Variants in PCNX1 observed in about 807,000 individuals in gnomAD.
The protein encoded by PCNX1 is pecanex 1.
PCNX1 carries 78 observed loss-of-function variants against 242.2 expected under a neutral mutation model. That is an observed-to-expected ratio of 0.32 (90% CI 0.27 to 0.39). The LOEUF is 0.39. PCNX1 is among the 10% of genes least tolerant of loss of function. PCNX1 has a pLI of 1.00. For missense variants in PCNX1, 2,581 were observed against 2,856.5 expected, an observed-to-expected ratio of 0.90 and a Z score of 2.20; for synonymous variants, 1,024 against 1,032.9, an observed-to-expected ratio of 0.99 and a Z score of 0.17.
At chr14:70,954,521 C>G (rs1215605800) in intron 2 of PCNX1, among the ~76,000 whole-genome samples, 1 of 152,048 alleles carries the variant, frequency 6.6e-6, no homozygotes, top group Non-Finnish European at 1.5e-5. Flanking sequence ...TTGAATCTCT[C>G]CATTTATTTA....
intron 24 of PCNX1, among the ~76,000 whole-genome samples, chr14:71,054,052 G>A (rs570426710): frequency 1.3e-5 from 2 of 152,298 alleles, no homozygotes; most frequent in South Asian, 4.1e-4. Flanking sequence ...TCAAAGTGCT[G>A]GGATTACAGG....
chr14:71,010,013 A>G (rs1031241391), intron 9 of PCNX1: 1 of 254,496 alleles, frequency 3.9e-6, no homozygotes, highest in African/African-American at 2.2e-5. Context: ...AGTATACAGT[A>G]TGTTGTTAAT....
intron 25 of PCNX1, among the ~76,000 whole-genome samples, 170 bp from the exon 26 acceptor site, chr14:71,057,339 T>G (rs935774572): frequency 6.6e-6 from 1 of 152,204 alleles, no homozygotes; most frequent in Non-Finnish European, 1.5e-5. Context: ...TTCAGAAACC[T>G]TTTCCATTTT....
At chr14:70,941,671 C>T (rs933635727) in intron 1 of PCNX1, among the ~76,000 whole-genome samples, 41 of 152,174 alleles carry the variant, frequency 2.7e-4, no homozygotes, top group African/African-American at 9.7e-5. Context: ...CAGACAGGGA[C>T]GTTTAAGTCT....
chr14:70,952,621 G>A (rs1019287314), intron 2 of PCNX1, among the ~76,000 whole-genome samples: 11 of 151,932 alleles, frequency 7.2e-5, no homozygotes, highest in Non-Finnish European at 1.3e-4. Context: ...ATTGACTCAC[G>A]CATGGTGATG....
intron 26 of PCNX1, among the ~76,000 whole-genome samples, chr14:71,063,093 A>G (rs551307762): frequency 6.6e-6 from 1 of 152,288 alleles, no homozygotes; most frequent in South Asian, 2.1e-4. Flanking sequence ...TTAACAGCGC[A>G]TGTCACAGAA....
intron 28 of PCNX1, among the ~76,000 whole-genome samples, chr14:71,077,661 A>G (rs2061751911): frequency 6.6e-6 from 1 of 152,238 alleles, no homozygotes. Context: ...GTTGGATAAA[A>G]TAACCTCACA....
intron 3 of PCNX1, among the ~76,000 whole-genome samples, chr14:70,963,334 C>CT (rs1383032921): frequency 1.3e-5 from 2 of 152,110 alleles, no homozygotes; most frequent in Non-Finnish European, 1.5e-5. Context: ...AGATTTTCCT[C>CT]TTTTTTTCTT....
At chr14:71,031,732 T>TTC in intron 16 of PCNX1, 3 of 1,107,934 alleles carry the variant, frequency 2.7e-6, no homozygotes, top group Non-Finnish European at 4.1e-6. Context: ...CTCTGATGTT[T>TTC]TCTCTCTCAC....
At chr14:71,061,750 T>TAA (rs2061331327) in intron 26 of PCNX1, among the ~76,000 whole-genome samples, 1 of 152,104 alleles carries the variant, frequency 6.6e-6, no homozygotes, top group Admixed American at 6.5e-5. Context: ...ATTGCAAAAA[T>TAA]CAACATGGCT....
At chr14:70,959,597 T>C (rs1450508933) in intron 2 of PCNX1, among the ~76,000 whole-genome samples, 1 of 151,704 alleles carries the variant, frequency 6.6e-6, no homozygotes, top group African/African-American at 2.4e-5. Flanking sequence ...CCATGGTGTA[T>C]ATGTGCCACA....
chr14:70,950,666 C>T (rs771956862), intron 2 of PCNX1, among the ~76,000 whole-genome samples: 9 of 151,900 alleles, frequency 5.9e-5, no homozygotes, highest in African/African-American at 2.2e-4. Flanking sequence ...ACTGTGATAT[C>T]TCATTGTTTA....
At chr14:71,085,321 G>A (rs1364363358) in intron 28 of PCNX1, among the ~76,000 whole-genome samples, 3 of 152,194 alleles carry the variant, frequency 2.0e-5, no homozygotes, top group Non-Finnish European at 4.4e-5. Flanking sequence ...TCTTGTTCTT[G>A]AAGTTCATTG....
At chr14:71,053,247 C>T (rs1566752116) in intron 24 of PCNX1, 2 of 452,798 alleles carry the variant, frequency 4.4e-6, no homozygotes, top group South Asian at 3.1e-5. Flanking sequence ...TTTAGAACCC[C>T]TTTATACTCT....
At chr14:70,922,654 G>C (rs2056423110) in intron 1 of PCNX1, among the ~76,000 whole-genome samples, 1 of 151,912 alleles carries the variant, frequency 6.6e-6, no homozygotes, top group Non-Finnish European at 1.5e-5. Flanking sequence ...TGTGTTGCAG[G>C]ATCCACTGAA....
At chr14:70,936,244 T>TA (rs1432853974) in intron 1 of PCNX1, among the ~76,000 whole-genome samples, 1 of 152,162 alleles carries the variant, frequency 6.6e-6, no homozygotes, top group African/African-American at 2.4e-5. Context: ...ACTCGTCATT[T>TA]ACATTAGGTA....
In PCNX1 at chr14:71,105,312, G is replaced by A. The variant is rs1031534039; in HGVS notation, c.6173G>A (p.Cys2058Tyr). The change falls in exon 33 of 36, where the codon TGC becomes TAC. Residue 2058 changes from cysteine to tyrosine, a missense_variant. Physicochemically the swap from Cys to Tyr is radical, Grantham distance 194. Around this residue, in one of 9 missense-constraint regions of PCNX1, gnomAD observed 432 missense variants for 433.6 expected, o/e 1.00. Coordinates refer to ENST00000304743, the MANE Select transcript of PCNX1 (RefSeq NM_014982.3). The stretch of plus-strand genomic sequence containing the variant: ...TCTGATACTGGAGGTGGGACTTCCT[G>A]CACTGGTAACAATGCAACAACTGCC... ...EDSDTGGGTSCTGNNATTANN... is the reference protein window; with the variant it reads ...EDSDTGGGTSYTGNNATTANN... The A allele has an allele frequency of 3.1e-6, 5 of 1,613,914 alleles. No individual in the cohort carries two copies. Among genetic ancestry groups the A allele is most frequent in the Non-Finnish European group, 4.2e-6 (5 of 1,179,934 alleles).
At chr14:71,064,703 A>C (rs570209688) in intron 26 of PCNX1, among the ~76,000 whole-genome samples, 1 of 152,246 alleles carries the variant, frequency 6.6e-6, no homozygotes, top group South Asian at 2.1e-4. Flanking sequence ...CATGCCATGG[A>C]GGCTTGCTGC....
intron 30 of PCNX1, chr14:71,092,806 A>T (rs2062171544): frequency 6.6e-6 from 1 of 152,260 alleles, no homozygotes; most frequent in South Asian, 2.1e-4. Context: ...AGGGGAAAAG[A>T]TAAACACCAA....
Sources: gnomAD v4.1 joint callset for allele counts (sites outside exome capture counted in the v4.1 genomes callset) on GRCh38, gnomAD v4.1.1 for gene constraint, gnomAD v4.1.1 regional missense constraint, MANE v1.5 for transcripts, NCBI Gene and HGNC (gene_info 2026-07-23, HGNC 2026-07-21) for gene names.